PSG1: variants seen among roughly 807,000 people sequenced by gnomAD.
The protein encoded by PSG1 is pregnancy specific beta-1-glycoprotein 1.
PSG1 carries 60 observed loss-of-function variants against 41.4 expected under a neutral mutation model. The ratio of observed to expected loss-of-function variants is 1.45; its 90% confidence interval spans 1.18 to 1.80. The LOEUF is 1.80. Ranked by LOEUF, PSG1 falls within the 40% of genes most tolerant of loss-of-function variation. The pLI is 0.00. For missense variants in PSG1, 806 were observed against 516.9 expected (o/e 1.56, Z -5.42); for synonymous variants, 256 against 192.9 (o/e 1.33, Z -2.71).
At chr19:42,867,315 T>A (rs1376806380) in intron 5 of PSG1, 165 bp from the exon 6 acceptor site, 1 of 648,200 alleles carries the variant, frequency 1.5e-6, no homozygotes, top group Non-Finnish European at 2.8e-6. Flanking sequence ...TAGGTGGAGT[T>A]TCTTCAAATG....
chr19:42,873,174 C>G (rs1395227356), intron 2 of PSG1, among the ~76,000 whole-genome samples: 1 of 151,614 alleles, frequency 6.6e-6, no homozygotes, highest in Non-Finnish European at 1.5e-5. Context: ...AGCCTCATGC[C>G]TATACTTCAT....
intron 5 of PSG1, chr19:42,867,788 A>G (rs532270008): frequency 7.2e-6 from 8 of 1,105,412 alleles, no homozygotes; most frequent in Non-Finnish European, 1.1e-5. Flanking sequence ...AATGTAGAAA[A>G]CAAACCATTT....
At chr19:42,872,379 C>T (rs1408305413) in intron 2 of PSG1, among the ~76,000 whole-genome samples, 1 of 151,646 alleles carries the variant, frequency 6.6e-6, no homozygotes, top group Non-Finnish European at 1.5e-5. Context: ...CCTTGTGGTC[C>T]TCACTTGGAG....
rs1320265344 is a variant in PSG1, at chr19:42,868,482, A to G, written c.989-127T>C. The G allele has an allele frequency of 1.6e-5, 24 of 1,482,680 alleles. No homozygotes were observed. In the East Asian group the frequency reaches 4.6e-4, roughly 28 times the overall value. The allele number at this position is 1,482,680 out of a possible 1,614,324, so 91.8% of individuals were successfully genotyped here. On this transcript the variant is annotated intron_variant, in intron 4 of 5. Coordinates refer to ENST00000436291, the MANE Select transcript of PSG1 (RefSeq NM_001184825.2). ...CTCAAGTCCCAGCCCAACCCCCTCT[A>G]TGTTCACTGAGCCGAATCCTGAGGT...
In PSG1 at chr19:42,877,517, G is replaced by T. The variant is rs1263043199; in HGVS notation, c.430+396C>A. Among the ~76,000 whole-genome samples, 5 of 151,710 alleles carry T rather than the reference G, an allele frequency of 3.3e-5. 1 individual carries two copies. Among genetic ancestry groups the T allele is most frequent in the East Asian group, 3.9e-4 (2 of 5,168 alleles). On this transcript the variant is annotated intron_variant, in intron 2 of 5. Coordinates refer to ENST00000436291, the MANE Select transcript of PSG1 (RefSeq NM_001184825.2). Reference sequence around the variant, plus strand: ...CTGGAACAAGGATTTAGGGACAAGGGTCTGGGGTTGAGGCTTCTAGGGCTG... The same window carrying T: ...CTGGAACAAGGATTTAGGGACAAGGTTCTGGGGTTGAGGCTTCTAGGGCTG...
rs1600489064 is a variant in PSG1 at position 42,868,450 on chromosome 19, A to T, written c.989-95T>A. 8.1e-6 allele frequency: 12 copies of T among 1,483,348 alleles called. No individual in the cohort carries two copies. In the East Asian group the frequency reaches 2.7e-4, roughly 34 times the overall value. The allele number at this position is 1,483,348 out of a possible 1,614,324, so 91.9% of individuals were successfully genotyped here. A position where few individuals can be genotyped will look rare whatever the true frequency, so the allele number is the denominator to read the frequency against. On this transcript the variant is annotated intron_variant, in intron 4 of 5. Coordinates refer to ENST00000436291, the MANE Select transcript of PSG1 (RefSeq NM_001184825.2). ...GGACACAGTGACCCTCTGAGCCAAGACACACCCTCAAGTCCCAGCCCAACC... is the reference window on the plus strand; with the variant it reads ...GGACACAGTGACCCTCTGAGCCAAGTCACACCCTCAAGTCCCAGCCCAACC...
At chr19:42,879,269 C>A (rs369261231) in intron 1 of PSG1, among the ~76,000 whole-genome samples, 30 of 151,056 alleles carry the variant, frequency 2.0e-4, no homozygotes, top group African/African-American at 7.1e-4. Context: ...TCTCCTGCCT[C>A]AGCCTCCCGA....
At chr19:42,868,554 T>C (rs1012573913) in intron 4 of PSG1, among the ~76,000 whole-genome samples, 199 bp from the exon 5 acceptor site, 3 of 151,262 alleles carry the variant, frequency 2.0e-5, no homozygotes, top group African/African-American at 4.9e-5. Flanking sequence ...AAGTCTCCCA[T>C]GATAAGAGCA....
chr19:42,867,398 T>TC, intron 5 of PSG1: 5 of 574,384 alleles, frequency 8.7e-6, no homozygotes, highest in Admixed American at 3.2e-5. Flanking sequence ...AATTTTCTTT[T>TC]CTCTAAGTTT....
Position 42,873,549 on chromosome 19 carries a change from C to G in PSG1, c.431-1504G>C, listed in dbSNP as rs376791803. On this transcript the variant is annotated intron_variant, in intron 2 of 5. Coordinates refer to ENST00000436291, the MANE Select transcript of PSG1 (RefSeq NM_001184825.2). ...ATAAGTGGAAATTTTTACTGATGGT[C>G]CAAACATCTAAGATCAATTGCTGGT... is the stretch of plus-strand genomic sequence containing the variant. Among the ~76,000 whole-genome samples, 32 of 151,764 alleles carry G rather than the reference C, an allele frequency of 2.1e-4. 2 individuals carry two copies. Among genetic ancestry groups the G allele is most frequent in the Admixed American group, 1.1e-3 (16 of 15,198 alleles).
At position 42,867,945 on chromosome 19, in the gene PSG1, T is replaced by G. The variant is rs140953615; in HGVS notation, c.1243+156A>C. ...GCCTGTTTGTTAAAGTTTTCGAAGT[T>G]CTTAGACAAATTTGGAGGGTTCAGG... On this transcript the variant is annotated intron_variant, in intron 5 of 5. Transcript: ENST00000436291. 3.4e-4 allele frequency: 529 copies of G among 1,562,588 alleles called. 11 individuals carry two copies. In the East Asian group the frequency reaches 0.011, roughly 33 times the overall value.
At chr19:42,879,491 T>C (rs750595303) in intron 1 of PSG1, 27 bp downstream of exon 1, 3 of 1,606,720 alleles carry the variant, frequency 1.9e-6, no homozygotes, top group Admixed American at 3.3e-5. Context: ...CCTCCTCCTG[T>C]CCTCTCCCAG....
chr19:42,877,993 G>C lies in PSG1; in HGVS notation c.350C>G (p.Ala117Gly), dbSNP rs1450149328. The C allele has an allele frequency of 3.1e-6, 5 of 1,612,320 alleles. No individual in the cohort carries two copies. The highest frequency in any genetic ancestry group is 2.2e-5 in the East Asian group (1 of 44,808). The change falls in exon 2 of 6, where the codon GCA (alanine) becomes GGA (glycine). Residue 117 changes from alanine (A) to glycine (G), a missense_variant. By Grantham distance (60) the Ala-to-Gly change is moderately conservative (BLOSUM62 0). Coordinates refer to ENST00000436291, the MANE Select transcript of PSG1 (RefSeq NM_001184825.2). The part of the protein sequence containing the change: ...LLIQNVTRED[A>G]GSYTLHIIKG... ...TATGATGTGTAAGGTGTAGGATCCT[G>C]CGTCCTCCCGGGTGACATTCTGGAT...
chr19:42,869,000 G>A lies in PSG1; in HGVS notation c.744C>T (p.Asn248=). 6.2e-7 allele frequency: 1 copy of A among 1,610,746 alleles called. No individual in the cohort carries two copies. Among genetic ancestry groups the A allele is most frequent in the Non-Finnish European group, 8.5e-7 (1 of 1,179,060 alleles). ...CATCCTTATTCTCCCTGGGGTTTAAGTTGTTGATGGTGATGTAGGGCTTGG... is the reference window on the plus strand; with the variant it reads ...CATCCTTATTCTCCCTGGGGTTTAAATTGTTGATGGTGATGTAGGGCTTGG... ...KLPKPYITIN[N]LNPRENKDVL... Residue 248 remains asparagine (N), a synonymous_variant, in exon 4 of 6, where the codon AAC becomes AAT. Transcript: ENST00000436291.
chr19:42,872,879 GA>G lies in PSG1; in HGVS notation c.431-835del, dbSNP rs543554766. On this transcript the variant is annotated intron_variant, in intron 2 of 5. Transcript: ENST00000436291. ...TGCAGAACTGACTGGTGGAAAGGGC[GA>G]TCATGAACTGATGACGGAAGTCTGG... 2.8e-4 allele frequency among the ~76,000 whole-genome samples: 42 copies of G among 151,952 alleles called. 2 individuals carry two copies. The South Asian group carries it at 8.8e-3, about 32-fold the overall frequency.
chr19:42,868,823 G>C lies in PSG1; in HGVS notation c.921C>G (p.Pro307=). The change falls in exon 4 of 6, where the codon CCC becomes CCG. Residue 307 remains proline (P), a synonymous_variant. Coordinates refer to ENST00000436291, the MANE Select transcript of PSG1 (RefSeq NM_001184825.2). ...ATCGGTCCCGTATTTCACATTGATAGGGTCCTGTTTCATTTCTCGTGACAC... is the reference window on the plus strand; with the variant it reads ...ATCGGTCCCGTATTTCACATTGATACGGTCCTGTTTCATTTCTCGTGACAC... ...LPSVTRNETG[P]YQCEIRDRYG... 5 of 1,611,820 alleles carry C rather than the reference G, an allele frequency of 3.1e-6. 1 individual carries two copies. In the African/African-American group the frequency reaches 5.3e-5, roughly 17 times the overall value.
chr19:42,874,782 A>C (rs1971536372), intron 2 of PSG1, among the ~76,000 whole-genome samples: 3 of 151,654 alleles, frequency 2.0e-5, no homozygotes, highest in Non-Finnish European at 4.4e-5. Flanking sequence ...GGAGAATGTG[A>C]GCTCCATAGC....
intron 2 of PSG1, among the ~76,000 whole-genome samples, chr19:42,874,401 C>T (rs537832809): frequency 2.6e-5 from 4 of 151,412 alleles, no homozygotes; most frequent in African/African-American, 9.7e-5. Flanking sequence ...GGCTGCAGTG[C>T]AGTGGCATGA....
chr19:42,868,704 G>A, intron 4 of PSG1, 52 bp downstream of exon 4: 1 of 1,601,816 alleles, frequency 6.2e-7, no homozygotes, highest in Non-Finnish European at 8.5e-7. Flanking sequence ...GGCATCTGGT[G>A]GTTTGGATTT....
Sources: allele counts gnomAD v4.1 joint callset (sites outside exome capture counted in the v4.1 genomes callset), GRCh38; gene constraint gnomAD v4.1.1; transcripts MANE v1.5; gene names NCBI Gene and HGNC (gene_info 2026-07-23, HGNC 2026-07-21).